Variants in WWOX observed in about 807,000 individuals in gnomAD.
WWOX encodes WW domain-containing oxidoreductase.
WWOX carries 69 observed loss-of-function variants against 46.2 expected under a neutral mutation model. The observed-to-expected ratio is 1.49, with a 90% CI of 1.23 to 1.82. The LOEUF (loss-of-function observed/expected upper bound fraction) is 1.82, where lower values mean the gene tolerates loss of function less well. WWOX is among the 40% of genes most tolerant of loss of function. The pLI, the probability that WWOX is intolerant of heterozygous loss-of-function variation, is 0.00. For synonymous variants in WWOX, 359 were observed against 202.6 expected (o/e 1.77, Z -6.56); for missense variants, 919 against 542.6 (o/e 1.69, Z -6.89).
intron 7 of WWOX, among the ~76,000 whole-genome samples, chr16:78,428,928 G>A (rs545129803): frequency 7.7e-4 from 117 of 152,290 alleles, no homozygotes; most frequent in African/African-American, 2.7e-3. Flanking sequence ...GTTGAACCTA[G>A]TGGTAAATTT....
At chr16:79,190,606 A>G (rs1282710914) in intron 8 of WWOX, among the ~76,000 whole-genome samples, 4 of 152,210 alleles carry the variant, frequency 2.6e-5, no homozygotes, top group Non-Finnish European at 5.9e-5. Flanking sequence ...TTGTCAAGGG[A>G]GGGAACTCAT....
chr16:78,191,913 A>G (rs571734122), intron 5 of WWOX, among the ~76,000 whole-genome samples: 7 of 152,338 alleles, frequency 4.6e-5, no homozygotes, highest in East Asian at 1.9e-4. Flanking sequence ...ATCTATTTTC[A>G]TTACATTGAA....
intron 8 of WWOX, chr16:78,897,291 TC>T (rs1464974075): frequency 7.0e-6 from 1 of 141,934 alleles, no homozygotes; most frequent in Non-Finnish European, 1.5e-5. Flanking sequence ...ACAAGAACAT[TC>T]CCATCACGTC....
intron 5 of WWOX, among the ~76,000 whole-genome samples, chr16:78,263,994 A>ATTTTTTTTTTTTTTTT (rs1597419237): frequency 2.4e-5 from 1 of 41,490 alleles, no homozygotes. Context: ...TGGCTGTGAA[A>ATTTTTTTTTTTTTTTT]TCTTTTTTTT....
chr16:78,573,519 C>T (rs997458571), intron 8 of WWOX, among the ~76,000 whole-genome samples: 10 of 152,202 alleles, frequency 6.6e-5, no homozygotes, highest in African/African-American at 2.4e-4. Flanking sequence ...ACCTTTGTCA[C>T]ATCACTCCTC....
intron 5 of WWOX, among the ~76,000 whole-genome samples, chr16:78,386,508 G>A (rs1267570194): frequency 6.6e-6 from 1 of 152,084 alleles, no homozygotes; most frequent in Non-Finnish European, 1.5e-5. Context: ...CATGATCGAG[G>A]CGTTGTCGTG....
chr16:78,862,029 A>C (rs1179826826), intron 8 of WWOX, among the ~76,000 whole-genome samples: 1 of 150,458 alleles, frequency 6.6e-6, no homozygotes, highest in Non-Finnish European at 1.5e-5. Flanking sequence ...AGATATAGAT[A>C]CACACATGTA....
chr16:78,343,297 A>C lies in WWOX; in HGVS notation c.517-43563A>C, dbSNP rs2081045260. On this transcript the variant is annotated intron_variant, in intron 5 of 8. Coordinates refer to ENST00000566780, the MANE Select transcript of WWOX (RefSeq NM_016373.4). The stretch of plus-strand genomic sequence containing the variant: ...TGATGCTGTGCTGATTGAGCAAACT[A>C]ATCCATAACCCACCGCCACGTTCCT... 1.7e-5 allele frequency among the ~76,000 whole-genome samples: 2 copies of C among 120,226 alleles called. 1 individual carries two copies. The highest frequency in any genetic ancestry group is 4.0e-5 in the Non-Finnish European group (2 of 50,356). 78.9% of individuals were successfully genotyped at this position (120,226 alleles called of 152,430 possible).
rs115255010 is a variant in WWOX at position 78,617,691 on chromosome 16, C to T, written c.1056+184939C>T. ...GGCGCTCAGGTATTCCAGTGGGCCC[C>T]GCTGCATTCTTCCCAGTCCCAGGAA... On this transcript the variant is annotated intron_variant, in intron 8 of 8. Coordinates refer to ENST00000566780, the MANE Select transcript of WWOX (RefSeq NM_016373.4). Among the ~76,000 whole-genome samples, 919 of 152,226 alleles carry T rather than the reference C, an allele frequency of 6.0e-3. 9 individuals are homozygous for T. Among genetic ancestry groups the T allele is most frequent in the African/African-American group, 0.021 (857 of 41,526 alleles).
At chr16:78,253,377 C>T (rs901168955) in intron 5 of WWOX, among the ~76,000 whole-genome samples, 2 of 152,148 alleles carry the variant, frequency 1.3e-5, no homozygotes, top group African/African-American at 2.4e-5. Flanking sequence ...GCATGTGCTT[C>T]GACTTTCAGC....
chr16:79,065,574 T>C (rs1304269921), intron 8 of WWOX, among the ~76,000 whole-genome samples: 1 of 152,192 alleles, frequency 6.6e-6, no homozygotes, highest in Non-Finnish European at 1.5e-5. Context: ...TCTTAGGTTC[T>C]ACAATAGTGA....
At chr16:79,053,797 C>T (rs1025884415) in intron 8 of WWOX, among the ~76,000 whole-genome samples, 3 of 152,254 alleles carry the variant, frequency 2.0e-5, no homozygotes, top group African/African-American at 7.2e-5. Context: ...CCTGGAGCCT[C>T]TGACTTGCAA....
chr16:78,593,897 T>C (rs1375787687), intron 8 of WWOX, among the ~76,000 whole-genome samples: 1 of 152,152 alleles, frequency 6.6e-6, no homozygotes, highest in Non-Finnish European at 1.5e-5. Context: ...AAAATGATCT[T>C]TGGGTTCCTT....
chr16:78,099,994 G>A (rs1350150988), intron 1 of WWOX, 109 bp downstream of exon 1: 16 of 1,511,252 alleles, frequency 1.1e-5, no homozygotes, highest in East Asian at 2.6e-5. Context: ...GCGGTGCAAA[G>A]TGAAAGTAAC....
intron 8 of WWOX, among the ~76,000 whole-genome samples, chr16:78,797,915 G>C (rs1169147059): frequency 6.6e-6 from 1 of 152,226 alleles, no homozygotes; most frequent in African/African-American, 2.4e-5. Flanking sequence ...TTGAGCCCAA[G>C]AGGTCAAGAC....
intron 8 of WWOX, among the ~76,000 whole-genome samples, chr16:78,528,232 T>A (rs2043530119): frequency 7.2e-6 from 1 of 139,254 alleles, no homozygotes; most frequent in Non-Finnish European, 1.5e-5. Context: ...GCCAGGATGG[T>A]CTCGGTCTGC....
At chr16:78,153,917 G>A (rs894316386) in intron 4 of WWOX, among the ~76,000 whole-genome samples, 3 of 152,118 alleles carry the variant, frequency 2.0e-5, no homozygotes, top group African/African-American at 2.4e-5. Context: ...ACCTCTGTGG[G>A]AGCTTTGTCA....
chr16:78,135,496 T>C (rs1035026653), intron 4 of WWOX, among the ~76,000 whole-genome samples: 4 of 152,320 alleles, frequency 2.6e-5, no homozygotes, highest in Non-Finnish European at 4.4e-5. Flanking sequence ...TTAATGTTGT[T>C]TAGATATTAT....
At chr16:78,753,966 C>A (rs1296958654) in intron 8 of WWOX, among the ~76,000 whole-genome samples, 1 of 149,122 alleles carries the variant, frequency 6.7e-6, no homozygotes, top group Non-Finnish European at 1.5e-5. Context: ...TAACACAATC[C>A]AATTTATCCA....
Sources: allele counts gnomAD v4.1 joint callset (sites outside exome capture counted in the v4.1 genomes callset), GRCh38; gene constraint gnomAD v4.1.1; transcripts MANE v1.5; gene names NCBI Gene and HGNC (gene_info 2026-07-23, HGNC 2026-07-21).